The following CYP39A1 variants were observed in gnomAD, a reference collection of about 807,000 sequenced individuals.
The protein encoded by CYP39A1 is cytochrome P450 family 39 subfamily A member 1.
A neutral mutation model predicts 58.1 loss-of-function variants in CYP39A1; 49 were observed. The observed-to-expected ratio is 0.84, with a 90% confidence interval of 0.67 to 1.07. The LOEUF is 1.07. Among genes scored for constraint, CYP39A1 ranks in the 50% least tolerant of loss-of-function variants. The pLI, the probability that CYP39A1 is intolerant of heterozygous loss-of-function variation, is 0.00. For missense variants in CYP39A1, 531 were observed against 539.4 expected (o/e 0.98, Z 0.16); for synonymous variants, 209 against 187.6 (o/e 1.11, Z -0.93).
chr6:46,583,891 AG>A (rs1292482921), intron 10 of CYP39A1, among the ~76,000 whole-genome samples: 3 of 152,110 alleles, frequency 2.0e-5, no homozygotes, highest in Admixed American at 6.6e-5. Flanking sequence ...AGGCCATAAG[AG>A]TGTGTGTTCA....
At chr6:46,617,983 T>C (rs1774716208) in intron 7 of CYP39A1, among the ~76,000 whole-genome samples, 1 of 152,154 alleles carries the variant, frequency 6.6e-6, no homozygotes, top group South Asian at 2.1e-4. Context: ...TTTCTGACTA[T>C]AAACATTCAA....
intron 5 of CYP39A1, among the ~76,000 whole-genome samples, chr6:46,632,149 G>A (rs978385697): frequency 1.3e-5 from 2 of 151,974 alleles, no homozygotes; most frequent in East Asian, 3.9e-4. Context: ...ATAGAGCATG[G>A]CAATGGGAAA....
chr6:46,634,772 T>A (rs1468071803), intron 5 of CYP39A1, among the ~76,000 whole-genome samples: 1 of 152,200 alleles, frequency 6.6e-6, no homozygotes, highest in Non-Finnish European at 1.5e-5. Flanking sequence ...TCCACCCACC[T>A]TGGCCTCCCA....
At chr6:46,579,669 C>T (rs1057379670) in intron 10 of CYP39A1, among the ~76,000 whole-genome samples, 7 of 152,060 alleles carry the variant, frequency 4.6e-5, no homozygotes, top group Admixed American at 2.6e-4. Context: ...TTTCAGAATA[C>T]AAAATCAATG....
rs867298643 is a variant in CYP39A1 at position 46,620,599 on chromosome 6, G to A, written c.931+4819C>T. On this transcript the variant is annotated intron_variant, in intron 7 of 11. Transcript: ENST00000275016. ...TTTAGAAGGGCATCCATTTGCCCAG[G>A]GCTTTACTCATGTTCAGGAAAGACA... Among the ~76,000 whole-genome samples, 7 of 152,034 alleles carry A rather than the reference G, an allele frequency of 4.6e-5. No individual in the cohort carries two copies. The South Asian group carries it at 1.4e-3, about 31-fold the overall frequency.
At chr6:46,574,428 C>T (rs1771747433) in intron 10 of CYP39A1, among the ~76,000 whole-genome samples, 1 of 152,152 alleles carries the variant, frequency 6.6e-6, no homozygotes, top group South Asian at 2.1e-4. Context: ...TCAGAATCCC[C>T]ATGGATATCC....
intron 6 of CYP39A1, among the ~76,000 whole-genome samples, chr6:46,626,798 A>C (rs554758217): frequency 6.0e-4 from 91 of 152,312 alleles, no homozygotes; most frequent in Non-Finnish European, 1.2e-3. Context: ...TATTAACTAC[A>C]GATAAAAGTG....
At chr6:46,590,110 A>G (rs1772740570) in intron 8 of CYP39A1, among the ~76,000 whole-genome samples, 1 of 152,206 alleles carries the variant, frequency 6.6e-6, no homozygotes, top group Admixed American at 6.5e-5. Flanking sequence ...AGACATCATC[A>G]CGCCCAGCCT....
intron 10 of CYP39A1, among the ~76,000 whole-genome samples, chr6:46,559,581 G>A (rs574969583): frequency 9.1e-4 from 138 of 152,266 alleles, no homozygotes; most frequent in African/African-American, 3.2e-3. Flanking sequence ...GTGATATAAT[G>A]GCAGGAAGCA....
chr6:46,632,879 T>C (rs2150582830), intron 5 of CYP39A1, among the ~76,000 whole-genome samples: 1 of 152,204 alleles, frequency 6.6e-6, no homozygotes, highest in South Asian at 2.1e-4. Context: ...GAGAACTGCA[T>C]TGTACCACAG....
chr6:46,616,314 A>G (rs1774604217), intron 7 of CYP39A1, among the ~76,000 whole-genome samples: 1 of 143,398 alleles, frequency 7.0e-6, no homozygotes, highest in Non-Finnish European at 1.5e-5. Flanking sequence ...CTGGAGTGCA[A>G]TGGAGCAAAC....
chr6:46,592,930 T>C lies in CYP39A1; in HGVS notation c.1065+3057A>G, dbSNP rs920833542. 2.6e-5 allele frequency among the ~76,000 whole-genome samples: 4 copies of C among 152,152 alleles called. No individual in the cohort carries two copies. In the East Asian group the frequency reaches 5.8e-4, roughly 22 times the overall value. On this transcript the variant is annotated intron_variant, in intron 8 of 11. Transcript: ENST00000275016. ...AAGATCATGTCACTGCACTCCAGCA[T>C]GGGCAACAGAGATGCAAATAATTAC...
At chr6:46,563,204 A>G (rs1379137441) in intron 10 of CYP39A1, among the ~76,000 whole-genome samples, 1 of 152,108 alleles carries the variant, frequency 6.6e-6, no homozygotes, top group African/African-American at 2.4e-5. Flanking sequence ...TGACATATAC[A>G]TACCTAGGAC....
rs530241428 is a variant in CYP39A1, at chr6:46,561,244, C to A, written c.1251-7390G>T. ...GTTCCTTGCTTTATTCAAATAAATC[C>A]TATCTCCTTATCATTGTTTTAAGCC... On this transcript the variant is annotated intron_variant, in intron 10 of 11. Transcript: ENST00000275016. 1.0e-3 allele frequency among the ~76,000 whole-genome samples: 157 copies of A among 152,098 alleles called. 1 individual carries two copies. Among genetic ancestry groups the A allele is most frequent in the Non-Finnish European group, 1.6e-3 (107 of 67,988 alleles).
chr6:46,550,764 T>G (rs1039557664), intron 11 of CYP39A1, among the ~76,000 whole-genome samples: 16 of 152,210 alleles, frequency 1.1e-4, no homozygotes, highest in Non-Finnish European at 1.5e-4. Flanking sequence ...GCTCAAAAAC[T>G]GTGACACTTC....
chr6:46,572,203 T>G (rs1771623577), intron 10 of CYP39A1, among the ~76,000 whole-genome samples: 1 of 152,138 alleles, frequency 6.6e-6, no homozygotes, highest in Non-Finnish European at 1.5e-5. Context: ...CATATTTATA[T>G]AACACCATTA....
chr6:46,616,105 C>T, intron 7 of CYP39A1, among the ~76,000 whole-genome samples: 1 of 124,954 alleles, frequency 8.0e-6, no homozygotes, highest in African/African-American at 3.1e-5. Flanking sequence ...TCTTTCCTTT[C>T]TTTCTTTCTC....
At chr6:46,585,418 T>C (rs1222160912) in intron 10 of CYP39A1, among the ~76,000 whole-genome samples, 1 of 152,156 alleles carries the variant, frequency 6.6e-6, no homozygotes, top group Non-Finnish European at 1.5e-5. Flanking sequence ...GTAGCATCTA[T>C]TGTTTTTAGA....
intron 10 of CYP39A1, among the ~76,000 whole-genome samples, chr6:46,582,750 G>A (rs968429012): frequency 6.6e-6 from 1 of 151,014 alleles, no homozygotes; most frequent in South Asian, 2.1e-4. Flanking sequence ...ATTCAGAAAT[G>A]TTATGAGTCT....
Sources: gnomAD v4.1 joint callset for allele counts (sites outside exome capture counted in the v4.1 genomes callset) on GRCh38, gnomAD v4.1.1 for gene constraint, MANE v1.5 for transcripts, NCBI Gene and HGNC (gene_info 2026-07-23, HGNC 2026-07-21) for gene names.